Variants in ABHD18 observed in about 807,000 individuals in gnomAD.
The protein encoded by ABHD18 is cardiolipin-specific deacylase, mitochondrial.
In ABHD18, 55 loss-of-function variants were observed where a neutral mutation model predicts 65.9. The ratio of observed to expected loss-of-function variants is 0.84; its 90% CI spans 0.67 to 1.05. The LOEUF (loss-of-function observed/expected upper bound fraction) is 1.05. Ranked by LOEUF, ABHD18 falls within the 50% of genes least tolerant of loss-of-function variation. ABHD18 has a pLI of 0.00. For synonymous variants in ABHD18, 181 were observed against 180.2 expected (o/e 1.00, Z -0.04); for missense variants, 533 against 558.5 (o/e 0.95, Z 0.46).
At chr4:127,992,612 C>G (rs966906371) in intron 4 of ABHD18, among the ~76,000 whole-genome samples, 2 of 152,104 alleles carry the variant, frequency 1.3e-5, no homozygotes, top group African/African-American at 4.8e-5. Context: ...TATCTTGGCT[C>G]ACTGTACCCT....
At chr4:128,013,695 C>T (rs1297105172) in intron 7 of ABHD18, among the ~76,000 whole-genome samples, 1 of 148,024 alleles carries the variant, frequency 6.8e-6, no homozygotes, top group Non-Finnish European at 1.5e-5. Flanking sequence ...GAGACTCCGT[C>T]TCAAAAAAAA....
chr4:127,980,820 C>T (rs1579169996), intron 1 of ABHD18, among the ~76,000 whole-genome samples: 1 of 94,720 alleles, frequency 1.1e-5, no homozygotes. Context: ...AGCAAGACTG[C>T]ATCTCAAAAA....
intron 3 of ABHD18, among the ~76,000 whole-genome samples, chr4:127,986,914 A>G (rs1219017629): frequency 6.6e-6 from 1 of 152,218 alleles, no homozygotes; most frequent in Admixed American, 6.5e-5. Context: ...GTTGGGTTGT[A>G]TATTGTTTAA....
intron 4 of ABHD18, among the ~76,000 whole-genome samples, chr4:128,003,269 G>A (rs543639202): frequency 1.4e-4 from 21 of 151,750 alleles, no homozygotes; most frequent in Non-Finnish European, 2.4e-4. Flanking sequence ...ACAGGAGGCT[G>A]AGGCAGGAGA....
At chr4:127,982,020 C>G (rs1424194324) in intron 1 of ABHD18, among the ~76,000 whole-genome samples, 1 of 151,802 alleles carries the variant, frequency 6.6e-6, no homozygotes, top group Non-Finnish European at 1.5e-5. Context: ...CGTAGGCAAA[C>G]AGAGGAATAT....
intron 6 of ABHD18, among the ~76,000 whole-genome samples, chr4:128,011,432 G>A (rs1160744104): frequency 2.7e-5 from 4 of 150,760 alleles, no homozygotes; most frequent in Admixed American, 1.3e-4. Flanking sequence ...ACAGGCGTGA[G>A]CCACCGCGCC....
rs560669817 is a variant in ABHD18 at position 127,991,457 on chromosome 4, C to T, written c.278+1636C>T. On this transcript the variant is annotated intron_variant, in intron 4 of 12. Transcript: ENST00000645843. ...CAGGCTGGTCACGAACTCCTGACCT[C>T]AAATGATCTGCCCACCTCAGCCTCC... 3.9e-5 allele frequency among the ~76,000 whole-genome samples: 6 copies of T among 152,256 alleles called. No homozygotes were observed. The East Asian group carries it at 5.8e-4, about 15-fold the overall frequency.
chr4:128,030,619 A>G lies in ABHD18; in HGVS notation c.1290A>G (p.Arg430=). ...AAATTTGGCCTGGTTGTGAAATCCG[A>G]TACTTAGAAGGGGGTCATATTAGTG... ...LQEIWPGCEI[R]YLEGGHISAY... The change falls in exon 12 of 13, where the codon CGA becomes CGG. Residue 430 remains arginine, a synonymous_variant. Coordinates refer to ENST00000645843, the MANE Select transcript of ABHD18 (RefSeq NM_001358451.3). 1.2e-6 allele frequency: 2 copies of G among 1,607,518 alleles called. No individual in the cohort carries two copies. Among genetic ancestry groups the G allele is most frequent in the Non-Finnish European group, 8.5e-7 (1 of 1,178,838 alleles).
At chr4:128,011,185 C>T (rs115291254) in intron 6 of ABHD18, among the ~76,000 whole-genome samples, 4,379 of 144,362 alleles carry the variant, frequency 0.03, 203 homozygotes, top group African/African-American at 0.11. Flanking sequence ...CTCTCGCTGT[C>T]GCCCCAGGCT....
At chr4:127,993,487 A>T (rs567309205) in intron 4 of ABHD18, among the ~76,000 whole-genome samples, 1 of 151,816 alleles carries the variant, frequency 6.6e-6, no homozygotes, top group African/African-American at 2.4e-5. Context: ...TTCCCAGATG[A>T]TGCACATTGA....
At position 128,020,117 on chromosome 4, in the gene ABHD18, T is replaced by C. The variant is rs1756229736; in HGVS notation, c.647T>C (p.Met216Thr). ...GCGGTATCCAACTGGCCTAAGCCCA[T>C]GCCATTGATTCCATGCCTGTCTTGG... ...SLAVSNWPKP[M>T]PLIPCLSWST... The change falls in exon 9 of 13, where the codon ATG becomes ACG. Residue 216 changes from methionine to threonine, a missense_variant. Physicochemically the swap from Met to Thr is moderately conservative, Grantham distance 81. Around this residue, in one of 3 missense-constraint regions of ABHD18, gnomAD observed 309 missense variants for 313.5 expected, o/e 0.99. Coordinates refer to ENST00000645843, the MANE Select transcript of ABHD18 (RefSeq NM_001358451.3). 6.2e-7 allele frequency: 1 copy of C among 1,613,676 alleles called. No homozygotes were observed. Among genetic ancestry groups the C allele is most frequent in the Non-Finnish European group, 8.5e-7 (1 of 1,179,718 alleles).
At chr4:128,033,059 C>T (rs1375086272) in intron 12 of ABHD18, among the ~76,000 whole-genome samples, 1 of 152,128 alleles carries the variant, frequency 6.6e-6, no homozygotes, top group Admixed American at 6.5e-5. Context: ...CAAGACCATC[C>T]TGGCTAACAT....
chr4:127,972,683 GGCGTGA>G (rs1332845415), intron 1 of ABHD18, among the ~76,000 whole-genome samples: 4 of 152,014 alleles, frequency 2.6e-5, no homozygotes, highest in African/African-American at 9.6e-5. Context: ...TGGGATTACA[GGCGTGA>G]GCCACCGTGC....
At chr4:128,002,844 A>G (rs562631831) in intron 4 of ABHD18, among the ~76,000 whole-genome samples, 33 of 151,018 alleles carry the variant, frequency 2.2e-4, no homozygotes, top group African/African-American at 7.5e-4. Context: ...GTGTTTCGCC[A>G]TGTTGGCCAG....
intron 4 of ABHD18, among the ~76,000 whole-genome samples, chr4:127,992,534 C>G (rs543593703): frequency 6.6e-6 from 1 of 151,884 alleles, no homozygotes; most frequent in Admixed American, 6.6e-5. Context: ...ACATGTAGCT[C>G]GTTTATGTAT....
At chr4:128,033,761 C>T (rs1451190677) in intron 12 of ABHD18, among the ~76,000 whole-genome samples, 2 of 151,624 alleles carry the variant, frequency 1.3e-5, no homozygotes, top group Non-Finnish European at 2.9e-5. Context: ...TGGTCTCGAT[C>T]TCCTGACCTC....
intron 12 of ABHD18, among the ~76,000 whole-genome samples, chr4:128,033,623 C>T (rs906283541): frequency 6.6e-6 from 1 of 150,592 alleles, no homozygotes; most frequent in African/African-American, 2.4e-5. Flanking sequence ...GCAACCTCCA[C>T]CTCCTGGGTT....
intron 4 of ABHD18, among the ~76,000 whole-genome samples, chr4:127,997,435 A>G (rs1751924368): frequency 6.6e-6 from 1 of 152,232 alleles, no homozygotes; most frequent in Non-Finnish European, 1.5e-5. Context: ...AAAAAAAGTA[A>G]CAACAACAAA....
chr4:128,024,519 T>A (rs935901085), intron 10 of ABHD18, among the ~76,000 whole-genome samples: 1 of 152,146 alleles, frequency 6.6e-6, no homozygotes, highest in Non-Finnish European at 1.5e-5. Context: ...TCCCTACTCT[T>A]TGTATTTTCC....
Sources: allele counts gnomAD v4.1 joint callset (sites outside exome capture counted in the v4.1 genomes callset), GRCh38; gene constraint gnomAD v4.1.1; regional missense constraint gnomAD v4.1.1; transcripts MANE v1.5; gene names NCBI Gene and HGNC (gene_info 2026-07-23, HGNC 2026-07-21).